Variants in SPOPL observed in about 807,000 individuals in gnomAD.
SPOPL encodes speckle-type POZ protein-like.
SPOPL carries 23 observed loss-of-function variants against 53.8 expected under a neutral mutation model. The ratio of observed to expected loss-of-function variants is 0.43; its 90% CI spans 0.31 to 0.61. The LOEUF (loss-of-function observed/expected upper bound fraction) is 0.61, where lower values mean the gene tolerates loss of function less well. Ranked by LOEUF, SPOPL falls within the 20% of genes least tolerant of loss-of-function variation. The pLI is 0.12. For missense variants in SPOPL, 442 were observed against 466.9 expected, an observed-to-expected ratio of 0.95 and a Z score of 0.49; for synonymous variants, 164 against 149.7, an observed-to-expected ratio of 1.10 and a Z score of -0.70.
intron 1 of SPOPL, among the ~76,000 whole-genome samples, chr2:138,504,575 T>G (rs1433558968): frequency 6.6e-6 from 1 of 152,218 alleles, no homozygotes; most frequent in Non-Finnish European, 1.5e-5. Context: ...AAATATTTAA[T>G]GAGCATCTAC....
chr2:138,568,792 A>G (rs1241907665), intron 10 of SPOPL, 144 bp from the exon 11 acceptor site: 2 of 861,788 alleles, frequency 2.3e-6, no homozygotes, highest in African/African-American at 1.7e-5. Flanking sequence ...TAAAGATGGT[A>G]TTTTAATAAA....
At chr2:138,521,272 C>A (rs1684550479) in intron 1 of SPOPL, among the ~76,000 whole-genome samples, 1 of 152,036 alleles carries the variant, frequency 6.6e-6, no homozygotes, top group Non-Finnish European at 1.5e-5. Flanking sequence ...CTGTCTATAG[C>A]CAGAAGCTCA....
At chr2:138,554,143 A>T (rs1685371730) in intron 5 of SPOPL, among the ~76,000 whole-genome samples, 1 of 150,690 alleles carries the variant, frequency 6.6e-6, no homozygotes, top group Admixed American at 6.6e-5. Context: ...TGGAACCTAG[A>T]CAACCAAGAA....
chr2:138,510,246 T>C (rs945488535), intron 1 of SPOPL, among the ~76,000 whole-genome samples: 2 of 152,236 alleles, frequency 1.3e-5, no homozygotes, highest in Non-Finnish European at 2.9e-5. Flanking sequence ...AGGACCATGA[T>C]TGATGGGTAG....
chr2:138,554,248 A>T (rs2104895259), intron 5 of SPOPL, among the ~76,000 whole-genome samples: 1 of 152,102 alleles, frequency 6.6e-6, no homozygotes, highest in Admixed American at 6.5e-5. Context: ...ACCCAACATG[A>T]CATATATTTT....
At chr2:138,530,212 A>AAATTAAT (rs1684777125) in intron 1 of SPOPL, among the ~76,000 whole-genome samples, 1 of 152,080 alleles carries the variant, frequency 6.6e-6, no homozygotes, top group South Asian at 2.1e-4. Context: ...AATCCAGTCT[A>AAATTAAT]CCATTGATGG....
chr2:138,535,555 C>CTTTTTTTT (rs539254466), intron 1 of SPOPL, among the ~76,000 whole-genome samples: 2 of 86,934 alleles, frequency 2.3e-5, no homozygotes, highest in Admixed American at 1.2e-4. Flanking sequence ...ATTCTAGTAG[C>CTTTTTTTT]TTTTTTTTTT....
intron 1 of SPOPL, among the ~76,000 whole-genome samples, chr2:138,504,380 T>G (rs940203349): frequency 6.6e-6 from 1 of 152,206 alleles, no homozygotes; most frequent in Non-Finnish European, 1.5e-5. Flanking sequence ...TTCTTGGCTT[T>G]CCTAATGTCT....
At chr2:138,528,475 C>T (rs1347310696) in intron 1 of SPOPL, among the ~76,000 whole-genome samples, 1 of 152,038 alleles carries the variant, frequency 6.6e-6, no homozygotes, top group Non-Finnish European at 1.5e-5. Flanking sequence ...TATTTTCTAA[C>T]GTTGTTATTG....
At chr2:138,544,720 C>T (rs924421663) in intron 1 of SPOPL, among the ~76,000 whole-genome samples, 5 of 152,202 alleles carry the variant, frequency 3.3e-5, no homozygotes, top group Non-Finnish European at 5.9e-5. Context: ...GGCTCATGCT[C>T]GGTGCGCTGC....
At chr2:138,530,542 G>A (rs1158465655) in intron 1 of SPOPL, among the ~76,000 whole-genome samples, 1 of 152,104 alleles carries the variant, frequency 6.6e-6, no homozygotes, top group Non-Finnish European at 1.5e-5. Flanking sequence ...TAATATCATT[G>A]TGTAGTTTTC....
chr2:138,557,348 C>T (rs1174660394), intron 5 of SPOPL, among the ~76,000 whole-genome samples: 2 of 152,050 alleles, frequency 1.3e-5, no homozygotes, highest in Non-Finnish European at 2.9e-5. Flanking sequence ...AAATTGAGGG[C>T]AAAAGCGGTT....
At position 138,512,780 on chromosome 2, in the gene SPOPL, C is replaced by G. The variant is rs1478923068; in HGVS notation, c.-61+10661C>G. 2.6e-5 allele frequency among the ~76,000 whole-genome samples: 4 copies of G among 152,098 alleles called. No homozygotes were observed. The East Asian group carries it at 7.7e-4, about 29-fold the overall frequency. On this transcript the variant is annotated intron_variant, in intron 1 of 10. Transcript: ENST00000280098. ...GGACTCACATTATTCATTTACTTCA[C>G]AAGTAGTTATTGACTGACTGTTAAA...
intron 1 of SPOPL, among the ~76,000 whole-genome samples, chr2:138,509,222 A>G (rs1349439707): frequency 6.6e-6 from 1 of 152,158 alleles, no homozygotes; most frequent in East Asian, 1.9e-4. Flanking sequence ...TATTTAGAAA[A>G]TACTCCCCTT....
chr2:138,549,634 C>T (rs1685271362), intron 1 of SPOPL, among the ~76,000 whole-genome samples: 1 of 152,062 alleles, frequency 6.6e-6, no homozygotes, highest in Non-Finnish European at 1.5e-5. Flanking sequence ...CTGAGATAGA[C>T]GTGGAGTTTT....
intron 1 of SPOPL, among the ~76,000 whole-genome samples, chr2:138,542,917 T>C (rs937315533): frequency 1.3e-5 from 2 of 152,344 alleles, no homozygotes; most frequent in Admixed American, 6.5e-5. Flanking sequence ...AGGAGCTCTT[T>C]TAGGGCAAGC....
At chr2:138,550,800 C>T in intron 3 of SPOPL, 103 bp from the exon 4 acceptor site, 1 of 1,434,906 alleles carries the variant, frequency 7.0e-7, no homozygotes, top group Non-Finnish European at 9.4e-7. Context: ...GACATTAACA[C>T]ATGATTTCAG....
chr2:138,505,376 A>C (rs190265258), intron 1 of SPOPL, among the ~76,000 whole-genome samples: 2 of 152,102 alleles, frequency 1.3e-5, no homozygotes. Context: ...TTAACAACCC[A>C]TCTGTGCCAG....
At chr2:138,554,587 A>G in intron 5 of SPOPL, 1 of 1,182,746 alleles carries the variant, frequency 8.5e-7, no homozygotes. Context: ...TTAATCTTGC[A>G]AGTTCCCTAC....
Sources: allele counts gnomAD v4.1 joint callset (sites outside exome capture counted in the v4.1 genomes callset), GRCh38; gene constraint gnomAD v4.1.1; transcripts MANE v1.5; gene names NCBI Gene and HGNC (gene_info 2026-07-23, HGNC 2026-07-21).